The following ANKH variants were observed in gnomAD, a reference collection of about 807,000 sequenced individuals.
ANKH encodes mineralization regulator ANKH.
In ANKH, 15 loss-of-function variants were observed where a neutral mutation model predicts 49.0. That is an observed-to-expected ratio of 0.31 (90% CI 0.20 to 0.47). ANKH has a LOEUF of 0.47. Ranked by LOEUF, ANKH falls within the 20% of genes least tolerant of loss-of-function variation. The pLI, the probability that ANKH is intolerant of heterozygous loss-of-function variation, is 1.00. For synonymous variants in ANKH, 273 were observed against 260.0 expected, an observed-to-expected ratio of 1.05 and a Z score of -0.48; for missense variants, 429 against 652.0, an observed-to-expected ratio of 0.66 and a Z score of 3.72.
At chr5:14,833,587 A>G (rs1051082307) in intron 1 of ANKH, among the ~76,000 whole-genome samples, 2 of 152,202 alleles carry the variant, frequency 1.3e-5, no homozygotes, top group African/African-American at 4.8e-5. Context: ...GACTACCTTA[A>G]GTATTCAGGG....
Position 14,741,380 on chromosome 5 carries a change from T to C in ANKH, c.1011+447A>G, listed in dbSNP as rs76141540. The C allele has an allele frequency of 1.2e-3, 261 of 215,688 alleles. 2 individuals are homozygous for C. The highest frequency in any genetic ancestry group is 5.9e-3 in the African/African-American group (249 of 42,382). 13.4% of individuals were successfully genotyped at this position (215,688 alleles called of 1,614,324 possible). ...TGGGATCCCGCAGGGGCTCAATGCC[T>C]ATGGGCACGTGATGGCCACGTAAGT... On this transcript the variant is annotated intron_variant, in intron 8 of 11. Transcript: ENST00000284268.
intron 1 of ANKH, among the ~76,000 whole-genome samples, chr5:14,777,599 T>C (rs1739667620): frequency 6.6e-6 from 1 of 152,188 alleles, no homozygotes; most frequent in Non-Finnish European, 1.5e-5. Flanking sequence ...ATCTTTATAC[T>C]GTAGTCTGAG....
Position 14,727,292 on chromosome 5 carries a change from A to G in ANKH, c.1012-10457T>C, listed in dbSNP as rs537848972. On this transcript the variant is annotated intron_variant, in intron 8 of 11. Transcript: ENST00000284268. The stretch of plus-strand genomic sequence containing the variant: ...CTTGAATATTTTCATAAAGGAGTTG[A>G]AGCAATCATCAACTGTTACAGCATA... Among the ~76,000 whole-genome samples, 4 of 152,234 alleles carry G rather than the reference A, an allele frequency of 2.6e-5. No homozygotes were observed. The South Asian group carries it at 6.2e-4, about 24-fold the overall frequency.
intron 1 of ANKH, chr5:14,797,744 C>T (rs1740434354): frequency 9.3e-6 from 15 of 1,610,336 alleles, no homozygotes; most frequent in East Asian, 4.5e-5. Flanking sequence ...AGATGGTCTT[C>T]GCATCTACCA....
chr5:14,755,525 C>T (rs1176846619), intron 4 of ANKH, among the ~76,000 whole-genome samples: 1 of 152,206 alleles, frequency 6.6e-6, no homozygotes, highest in African/African-American at 2.4e-5. Context: ...GGCAAGTAAA[C>T]AGTGACCCTA....
chr5:14,787,842 TA>T (rs1156955498), intron 1 of ANKH, among the ~76,000 whole-genome samples: 43 of 152,264 alleles, frequency 2.8e-4, no homozygotes, highest in African/African-American at 1.0e-3. Context: ...GGCTACATAC[TA>T]GGAGTTATGT....
chr5:14,781,707 G>T (rs371781550), intron 1 of ANKH, among the ~76,000 whole-genome samples: 11 of 152,142 alleles, frequency 7.2e-5, no homozygotes, highest in African/African-American at 2.2e-4. Context: ...ATGGTAGAAG[G>T]CCTGACAAGA....
chr5:14,728,696 CAG>C, intron 8 of ANKH, among the ~76,000 whole-genome samples: 1 of 152,190 alleles, frequency 6.6e-6, no homozygotes, highest in African/African-American at 2.4e-5. Flanking sequence ...GAAGGTGAGA[CAG>C]GGTCATTCTC....
intron 2 of ANKH, among the ~76,000 whole-genome samples, chr5:14,766,253 A>G (rs1032100171): frequency 2.6e-5 from 4 of 152,042 alleles, no homozygotes; most frequent in African/African-American, 9.7e-5. Context: ...AAAATTAGCC[A>G]GATGTGGTGG....
chr5:14,736,614 T>A (rs145480289), intron 8 of ANKH, among the ~76,000 whole-genome samples: 3 of 152,144 alleles, frequency 2.0e-5, no homozygotes, highest in Non-Finnish European at 4.4e-5. Flanking sequence ...TCCCCTCTTT[T>A]TCTGACCAGT....
At chr5:14,778,273 C>T (rs536252013) in intron 1 of ANKH, among the ~76,000 whole-genome samples, 24 of 152,342 alleles carry the variant, frequency 1.6e-4, no homozygotes, top group South Asian at 6.2e-4. Flanking sequence ...GAGATTCACA[C>T]GCCTAGCCAT....
chr5:14,863,548 AGC>A (rs1466357031), intron 1 of ANKH, among the ~76,000 whole-genome samples: 4 of 152,256 alleles, frequency 2.6e-5, no homozygotes, highest in Non-Finnish European at 5.9e-5. Context: ...TCAGTTATGA[AGC>A]AAATTCACTC....
At position 14,713,703 on chromosome 5, in the gene ANKH, C is replaced by T. The variant is rs1246093383; in HGVS notation, c.1142-36G>A. 3.7e-6 allele frequency: 6 copies of T among 1,612,350 alleles called. No homozygotes were observed. The highest frequency in any genetic ancestry group is 2.2e-5 in the East Asian group (1 of 44,866). On this transcript the variant is annotated intron_variant, in intron 9 of 11. Transcript: ENST00000284268. The surrounding 1 kb of genome is among the most constrained non-coding windows in gnomAD (Gnocchi z 4.4). ...GAGCAAAGGACTCGTCAGCCGTGCC[C>T]GCCATCCACTCCCCATCCTGCTGCC...
rs796330056 is a variant in ANKH, at chr5:14,729,349, CACT to C, written c.1011+12475_1011+12477del. Among the ~76,000 whole-genome samples, 28 of 150,750 alleles carry C rather than the reference CACT, an allele frequency of 1.9e-4. 1 individual carries two copies. The South Asian group carries it at 4.6e-3, about 25-fold the overall frequency. On this transcript the variant is annotated intron_variant, in intron 8 of 11. Coordinates refer to ENST00000284268, the MANE Select transcript of ANKH (RefSeq NM_054027.6). Reference sequence around the variant, plus strand: ...ATTACAGCTGTGTGCCACCACGCCCCACTACTTTTTTTTTATTTAGTAGAGACG... The same window carrying C: ...ATTACAGCTGTGTGCCACCACGCCCCACTTTTTTTTTATTTAGTAGAGACG...
rs1370921504 is a variant in ANKH, at chr5:14,708,536, C to T, written c.*2661G>A. On this transcript the variant is annotated 3_prime_UTR_variant, in exon 12 of 12. Transcript: ENST00000284268. ...GAAAAGTGGGAAGGAGAAAGGTCAC[C>T]CTCCCTGGTTTGATCTCTCATGTCT... The T allele has an allele frequency of 1.3e-5, 2 of 152,216 alleles. No individual in the cohort carries two copies. The allele number at this position is 152,216 out of a possible 1,614,324, so 9.4% of individuals were successfully genotyped here. A position where few individuals can be genotyped will look rare whatever the true frequency, so the allele number is the denominator to read the frequency against.
chr5:14,734,239 C>T (rs1580014671), intron 8 of ANKH, among the ~76,000 whole-genome samples: 1 of 150,714 alleles, frequency 6.6e-6, no homozygotes, highest in African/African-American at 2.4e-5. Context: ...AATCATTTTT[C>T]CCCCCAAACC....
At position 14,773,640 on chromosome 5, in the gene ANKH, C is replaced by T. The variant is rs371087987; in HGVS notation, c.97-4449G>A. 1.2e-4 allele frequency among the ~76,000 whole-genome samples: 18 copies of T among 152,228 alleles called. No homozygotes were observed. The East Asian group carries it at 3.3e-3, about 28-fold the overall frequency. On this transcript the variant is annotated intron_variant, in intron 1 of 11. Transcript: ENST00000284268. ...CTTCTATCACTTAAGCGCTGAGTGG[C>T]CTTGGCTAAAATACTTATTCTCCCT... is the stretch of plus-strand genomic sequence containing the variant.
chr5:14,838,535 G>A (rs1013388684), intron 1 of ANKH, among the ~76,000 whole-genome samples: 2 of 152,152 alleles, frequency 1.3e-5, no homozygotes, highest in African/African-American at 2.4e-5. Flanking sequence ...GTCCTTCTCA[G>A]TGTGGGCCTG....
At chr5:14,790,644 G>A (rs1740132635) in intron 1 of ANKH, among the ~76,000 whole-genome samples, 1 of 152,156 alleles carries the variant, frequency 6.6e-6, no homozygotes, top group East Asian at 1.9e-4. Context: ...GTCTCACTCT[G>A]TCGCCCAGGC....
Sources: gnomAD v4.1 joint callset for allele counts (sites outside exome capture counted in the v4.1 genomes callset) on GRCh38, gnomAD v4.1.1 for gene constraint, Gnocchi (gnomAD v3.1) non-coding constraint, MANE v1.5 for transcripts, NCBI Gene and HGNC (gene_info 2026-07-23, HGNC 2026-07-21) for gene names.